The following IKZF2 variants were observed in gnomAD, a reference collection of about 807,000 sequenced individuals.
The protein encoded by IKZF2 is IKAROS family zinc finger 2.
A neutral mutation model predicts 49.2 loss-of-function variants in IKZF2; 15 were observed. The ratio of observed to expected loss-of-function variants is 0.30; its 90% CI spans 0.20 to 0.47. The LOEUF (loss-of-function observed/expected upper bound fraction) is 0.47, where lower values mean the gene tolerates loss of function less well. Ranked by LOEUF, IKZF2 falls within the 20% of genes least tolerant of loss-of-function variation. The pLI is 1.00. For synonymous variants in IKZF2, 227 were observed against 221.4 expected (o/e 1.03, Z -0.23); for missense variants, 567 against 664.6 (o/e 0.85, Z 1.61).
intron 4 of IKZF2, among the ~76,000 whole-genome samples, chr2:213,135,083 C>A (rs1474274853): frequency 1.3e-5 from 2 of 152,094 alleles, no homozygotes; most frequent in African/African-American, 2.4e-5. Flanking sequence ...AAAATAGTTT[C>A]TCTTTAATAG....
chr2:213,085,443 T>C (rs1325961465), intron 4 of IKZF2, among the ~76,000 whole-genome samples: 1 of 152,194 alleles, frequency 6.6e-6, no homozygotes, highest in Non-Finnish European at 1.5e-5. Flanking sequence ...CATTTAAACA[T>C]GGCTTTGTTT....
chr2:213,061,329 C>A (rs1406520447), intron 4 of IKZF2, among the ~76,000 whole-genome samples: 1 of 150,982 alleles, frequency 6.6e-6, no homozygotes, highest in African/African-American at 2.4e-5. Context: ...TGAATAAAGG[C>A]CTTTACACAG....
At chr2:213,147,935 C>T in intron 3 of IKZF2, 123 bp from the exon 4 acceptor site, 1 of 666,190 alleles carries the variant, frequency 1.5e-6, no homozygotes, top group Non-Finnish European at 2.6e-6. Flanking sequence ...TACATTTTTC[C>T]CTTAGAAACT....
chr2:213,022,052 C>T lies in IKZF2; in HGVS notation c.653G>A (p.Cys218Tyr), dbSNP rs896587499. The change falls in exon 7 of 9, where the codon TGC (cysteine) becomes TAC (tyrosine). Residue 218 changes from cysteine (C) to tyrosine (Y), a missense_variant. Cys to Tyr is a radical substitution (Grantham distance 194). Coordinates refer to ENST00000434687, the MANE Select transcript of IKZF2 (RefSeq NM_001387220.1). ...RSSLEEHKER[C>Y]HNYLQNVSME... is the part of the protein sequence containing the mutation. ...GCTGACATTCTGGAGATAGTTGTGG[C>T]AGCGTTCCTTGTGCTCCTCCAGTGA... 11 of 1,613,866 alleles carry T rather than the reference C, an allele frequency of 6.8e-6. No homozygotes were observed. In the Admixed American group the frequency reaches 1.8e-4, roughly 27 times the overall value.
chr2:213,081,612 G>A (rs1703963022), intron 4 of IKZF2, among the ~76,000 whole-genome samples: 1 of 152,158 alleles, frequency 6.6e-6, no homozygotes, highest in Non-Finnish European at 1.5e-5. Flanking sequence ...CTTGAAACAT[G>A]AAGTTTCACC....
At chr2:213,040,001 G>A in intron 6 of IKZF2, among the ~76,000 whole-genome samples, 1 of 152,000 alleles carries the variant, frequency 6.6e-6, no homozygotes, top group East Asian at 1.9e-4. Context: ...AAGAGACAAT[G>A]AATAAATGTC....
intron 4 of IKZF2, among the ~76,000 whole-genome samples, chr2:213,088,385 T>C (rs1227612754): frequency 6.6e-6 from 1 of 152,198 alleles, no homozygotes; most frequent in Admixed American, 6.5e-5. Context: ...TTGTTTAAGT[T>C]CTTTGTAGAT....
At chr2:213,151,703 C>G (rs1430265365), upstream of IKZF2, 1 of 147,840 alleles carries the variant, frequency 6.8e-6, no homozygotes, top group Non-Finnish European at 1.5e-5. Flanking sequence ...CGCCCGCGGG[C>G]GGAGGGCGGG....
rs189780206 is a variant in IKZF2, at chr2:213,040,979, G to A, written c.574+8734C>T. ...CTAAAAATACAAAAATTAGTTGGGCGTGGTGGTGCACGCCTGTAATTCCAG... is the reference window on the plus strand; with the variant it reads ...CTAAAAATACAAAAATTAGTTGGGCATGGTGGTGCACGCCTGTAATTCCAG... On this transcript the variant is annotated intron_variant, in intron 6 of 8. Transcript: ENST00000434687. 2.6e-4 allele frequency among the ~76,000 whole-genome samples: 39 copies of A among 152,198 alleles called. No homozygotes were observed. The South Asian group carries it at 5.2e-3, about 20-fold the overall frequency.
intron 7 of IKZF2, chr2:213,014,203 T>G (rs551376186): frequency 6.1e-4 from 143 of 236,308 alleles, no homozygotes; most frequent in African/African-American, 2.9e-3. Flanking sequence ...TTCATGTGGT[T>G]TCTCATCTTA....
intron 4 of IKZF2, among the ~76,000 whole-genome samples, chr2:213,068,236 T>C (rs542172518): frequency 3.5e-4 from 53 of 152,252 alleles, no homozygotes; most frequent in African/African-American, 1.2e-3. Flanking sequence ...CATTTAAAAA[T>C]ACTTCTTTTA....
chr2:213,135,186 T>C (rs1003422157), intron 4 of IKZF2, among the ~76,000 whole-genome samples: 2 of 152,336 alleles, frequency 1.3e-5, no homozygotes, highest in African/African-American at 4.8e-5. Flanking sequence ...TAAACTTGTT[T>C]GTTACATGCA....
rs565177295 is a variant in IKZF2 at position 213,092,383 on chromosome 2, T to C, written c.140-35284A>G. 2.8e-3 allele frequency among the ~76,000 whole-genome samples: 419 copies of C among 152,276 alleles called. 5 individuals carry two copies. The highest frequency in any genetic ancestry group is 3.9e-3 in the Non-Finnish European group (263 of 68,012). On this transcript the variant is annotated intron_variant, in intron 4 of 8. Coordinates refer to ENST00000434687, the MANE Select transcript of IKZF2 (RefSeq NM_001387220.1). ...AATAACCTCCTCTACCATTTCAATG[T>C]ACAGTTATGGTCATATTTAAATTTT...
chr2:213,114,915 G>A (rs1363261084), intron 4 of IKZF2, among the ~76,000 whole-genome samples: 4 of 143,610 alleles, frequency 2.8e-5, no homozygotes, highest in Non-Finnish European at 4.5e-5. Flanking sequence ...GTGACAGAGT[G>A]AGACTCCATC....
intron 4 of IKZF2, among the ~76,000 whole-genome samples, chr2:213,112,330 C>T (rs2059730079): frequency 1.1e-5 from 1 of 89,976 alleles, no homozygotes; most frequent in African/African-American, 3.6e-5. Flanking sequence ...TTTTTTTGAC[C>T]CAGACAGACA....
chr2:213,103,820 T>G (rs2059430279), intron 4 of IKZF2, among the ~76,000 whole-genome samples: 1 of 151,930 alleles, frequency 6.6e-6, no homozygotes, highest in Non-Finnish European at 1.5e-5. Context: ...TCAAATAATC[T>G]CACCATAAAA....
intron 8 of IKZF2, among the ~76,000 whole-genome samples, chr2:213,011,434 T>C (rs1424086481): frequency 1.3e-5 from 2 of 151,988 alleles, no homozygotes; most frequent in Admixed American, 6.6e-5. Flanking sequence ...GGAGAATTCC[T>C]GTGCACAAGA....
intron 4 of IKZF2, among the ~76,000 whole-genome samples, chr2:213,097,047 T>C (rs1706088858): frequency 6.6e-6 from 1 of 151,970 alleles, no homozygotes; most frequent in East Asian, 1.9e-4. Context: ...AAATCAATTA[T>C]TGAAAGACTA....
At chr2:213,057,585 C>T (rs145539647) in intron 4 of IKZF2, among the ~76,000 whole-genome samples, 61 of 152,194 alleles carry the variant, frequency 4.0e-4, no homozygotes, top group Middle Eastern at 3.4e-3. Flanking sequence ...GCAAGAGAAA[C>T]AATTCAGGAT....
Sources: gnomAD v4.1 joint callset for allele counts (sites outside exome capture counted in the v4.1 genomes callset) on GRCh38, gnomAD v4.1.1 for gene constraint, MANE v1.5 for transcripts, NCBI Gene and HGNC (gene_info 2026-07-23, HGNC 2026-07-21) for gene names.